ATG7: variants seen among roughly 807,000 people sequenced by gnomAD.
ATG7 encodes the protein autophagy related 7.
A neutral mutation model predicts 82.4 loss-of-function variants in ATG7; 70 were observed. The observed-to-expected ratio is 0.85, with a 90% CI of 0.70 to 1.04. The LOEUF is 1.04. ATG7 is among the 50% of genes least tolerant of loss of function. The pLI is 0.00. For synonymous variants in ATG7, 287 were observed against 313.0 expected, an observed-to-expected ratio of 0.92 and a Z score of 0.88; for missense variants, 792 against 864.3, an observed-to-expected ratio of 0.92 and a Z score of 1.05.
At chr3:11,351,650 C>G (rs2075555699) in intron 14 of ATG7, among the ~76,000 whole-genome samples, 1 of 152,182 alleles carries the variant, frequency 6.6e-6, no homozygotes, top group Non-Finnish European at 1.5e-5. Flanking sequence ...CCCTGTTGGA[C>G]TATTAAGTCC....
chr3:11,348,108 G>A (rs1224929399), intron 14 of ATG7, 73 bp downstream of exon 14: 4 of 1,512,498 alleles, frequency 2.6e-6, no homozygotes, highest in Non-Finnish European at 3.6e-6. Flanking sequence ...GAGGCCTGTG[G>A]CATTGAAGAA....
At chr3:11,316,348 C>G (rs1018399841) in intron 9 of ATG7, among the ~76,000 whole-genome samples, 1 of 152,242 alleles carries the variant, frequency 6.6e-6, no homozygotes, top group Non-Finnish European at 1.5e-5. Flanking sequence ...TCTCCAGAAT[C>G]TCCATCCCCT....
At chr3:11,352,413 T>C (rs371884021) in intron 14 of ATG7, among the ~76,000 whole-genome samples, 269 of 152,338 alleles carry the variant, frequency 1.8e-3, no homozygotes, top group African/African-American at 6.3e-3. Context: ...TCTAGATCCT[T>C]GAGTAATCGC....
chr3:11,410,110 T>G (rs1281766643), intron 19 of ATG7, among the ~76,000 whole-genome samples: 1 of 152,242 alleles, frequency 6.6e-6, no homozygotes, highest in Non-Finnish European at 1.5e-5. Context: ...AATACATTGC[T>G]GTGATTTTGA....
At chr3:11,488,476 C>T (rs1251296292) in intron 20 of ATG7, 33 of 1,284,340 alleles carry the variant, frequency 2.6e-5, no homozygotes, top group Non-Finnish European at 3.3e-5. Flanking sequence ...CGCTTCATAT[C>T]TGCAGCTGGG....
At chr3:11,275,471 C>T (rs1422374738) in intron 1 of ATG7, among the ~76,000 whole-genome samples, 3 of 151,548 alleles carry the variant, frequency 2.0e-5, no homozygotes, top group Non-Finnish European at 4.4e-5. Flanking sequence ...GCCTCAGCCT[C>T]CCCAGGAACT....
At chr3:11,513,230 C>T (rs1014133731) in intron 20 of ATG7, among the ~76,000 whole-genome samples, 3 of 152,264 alleles carry the variant, frequency 2.0e-5, no homozygotes, top group Non-Finnish European at 2.9e-5. Context: ...CCTGCCAGTC[C>T]TGCGCCGTGC....
intron 1 of ATG7, among the ~76,000 whole-genome samples, chr3:11,277,902 C>CT (rs1553596471): frequency 2.9e-5 from 4 of 137,240 alleles, no homozygotes; most frequent in Non-Finnish European, 6.3e-5. Context: ...CCCCCCCCCC[C>CT]CCACCAGGAA....
At chr3:11,456,728 A>G (rs2085759346) in intron 20 of ATG7, among the ~76,000 whole-genome samples, 1 of 152,210 alleles carries the variant, frequency 6.6e-6, no homozygotes, top group Admixed American at 6.5e-5. Context: ...GGACTCAAAA[A>G]TGTGACGGAA....
chr3:11,379,928 CGTT>C (rs780242566), intron 18 of ATG7, 41 bp from the exon 19 acceptor site: 3 of 1,571,282 alleles, frequency 1.9e-6, no homozygotes, highest in Non-Finnish European at 2.6e-6. Flanking sequence ...TAGATGTGGT[CGTT>C]GTGTGTTTGA....
At chr3:11,459,469 T>C (rs1196258990) in intron 20 of ATG7, among the ~76,000 whole-genome samples, 1 of 148,692 alleles carries the variant, frequency 6.7e-6, no homozygotes, top group East Asian at 2.0e-4. Context: ...TGGACGTCTT[T>C]AGAATGAGAA....
intron 20 of ATG7, among the ~76,000 whole-genome samples, chr3:11,450,094 G>C (rs2084962359): frequency 6.6e-6 from 1 of 152,168 alleles, no homozygotes; most frequent in Non-Finnish European, 1.5e-5. Context: ...TTGAGAACTT[G>C]CTGTGTTCCA....
In ATG7 at chr3:11,412,330, T is replaced by A. The variant is rs144996259; in HGVS notation, c.1957-14474T>A. On this transcript the variant is annotated intron_variant, in intron 19 of 20. Transcript: ENST00000693202. ...GGAAGGAACTCAGATAAAACAAATA[T>A]GAGTTTCAAGCTTTAACAGCAGAAG... 3.8e-4 allele frequency among the ~76,000 whole-genome samples: 58 copies of A among 151,190 alleles called. 1 individual carries two copies. The highest frequency in any genetic ancestry group is 1.4e-3 in the African/African-American group (56 of 41,136).
chr3:11,360,824 C>T, intron 16 of ATG7, 40 bp downstream of exon 16: 1 of 1,602,312 alleles, frequency 6.2e-7, no homozygotes, highest in Non-Finnish European at 8.5e-7. Flanking sequence ...TTTCCTATCA[C>T]CAACTTGTAC....
At chr3:11,509,904 C>T (rs972709156) in intron 20 of ATG7, among the ~76,000 whole-genome samples, 19 of 152,154 alleles carry the variant, frequency 1.2e-4, no homozygotes, top group African/African-American at 4.6e-4. Context: ...TGATTCAGCC[C>T]AGGATCCTGA....
At chr3:11,522,472 A>C (rs1384437183) in intron 20 of ATG7, among the ~76,000 whole-genome samples, 1 of 145,818 alleles carries the variant, frequency 6.9e-6, no homozygotes, top group Non-Finnish European at 1.5e-5. Flanking sequence ...TATTAGTGAG[A>C]TGAGCGGATG....
intron 20 of ATG7, among the ~76,000 whole-genome samples, chr3:11,541,017 A>G (rs1430373383): frequency 6.6e-6 from 1 of 151,066 alleles, no homozygotes; most frequent in Non-Finnish European, 1.5e-5. Context: ...CTCCTGCCTC[A>G]GCCTCCCAAG....
chr3:11,298,588 TTTTG>T (rs1187424422), intron 3 of ATG7, 94 bp from the exon 4 acceptor site: 2 of 1,248,768 alleles, frequency 1.6e-6, no homozygotes, highest in East Asian at 2.3e-5. Flanking sequence ...TCTCATTACT[TTTTG>T]TTTGTTTGAA....
intron 20 of ATG7, among the ~76,000 whole-genome samples, chr3:11,474,415 C>T (rs1052644826): frequency 6.6e-6 from 1 of 152,160 alleles, no homozygotes; most frequent in Non-Finnish European, 1.5e-5. Context: ...GCCTGGGCAA[C>T]ATGGTGAGAC....
Sources: allele counts gnomAD v4.1 joint callset (sites outside exome capture counted in the v4.1 genomes callset), GRCh38; gene constraint gnomAD v4.1.1; transcripts MANE v1.5; gene names NCBI Gene and HGNC (gene_info 2026-07-23, HGNC 2026-07-21).